The following HIVEP3 variants were observed in gnomAD, a reference collection of about 807,000 sequenced individuals.
HIVEP3 encodes HIVEP zinc finger 3, also known as transcription factor HIVEP3.
In HIVEP3, 49 loss-of-function variants were observed where a neutral mutation model predicts 152.8. The observed-to-expected ratio is 0.32, with a 90% CI of 0.26 to 0.41. The LOEUF is 0.41. Ranked by LOEUF, HIVEP3 falls within the 10% of genes least tolerant of loss-of-function variation. The pLI is 1.00. For synonymous variants in HIVEP3, 1,269 were observed against 1,289.0 expected, an observed-to-expected ratio of 0.98 and a Z score of 0.33; for missense variants, 2,790 against 3,103.3, an observed-to-expected ratio of 0.90 and a Z score of 2.40.
At chr1:41,828,915 G>C (rs1423990135) in intron 1 of HIVEP3, among the ~76,000 whole-genome samples, 1 of 152,256 alleles carries the variant, frequency 6.6e-6, no homozygotes, top group Admixed American at 6.5e-5. Flanking sequence ...AAAAGCCCAA[G>C]TGAGTCAGCT....
intron 3 of HIVEP3, among the ~76,000 whole-genome samples, chr1:41,593,041 TG>T (rs1162865626): frequency 6.6e-6 from 1 of 152,220 alleles, no homozygotes; most frequent in Non-Finnish European, 1.5e-5. Flanking sequence ...GCCTCTCCTT[TG>T]GGCTTGGGTT....
chr1:41,688,753 G>T (rs1646149768), intron 2 of HIVEP3, among the ~76,000 whole-genome samples: 1 of 152,184 alleles, frequency 6.6e-6, no homozygotes, highest in Non-Finnish European at 1.5e-5. Flanking sequence ...CCTCTCCTCT[G>T]ATCATTCTGC....
chr1:41,854,956 G>T (rs551258802), intron 1 of HIVEP3, among the ~76,000 whole-genome samples: 1 of 40,402 alleles, frequency 2.5e-5, no homozygotes, highest in East Asian at 3.3e-4. Context: ...CCAAGTCTTT[G>T]CTATTGTGAA....
intron 1 of HIVEP3, among the ~76,000 whole-genome samples, chr1:41,913,437 T>A (rs971695094): frequency 6.6e-6 from 1 of 152,196 alleles, no homozygotes; most frequent in Non-Finnish European, 1.5e-5. Flanking sequence ...TGCTCTATTG[T>A]CCAGGCTGGA....
At chr1:41,996,960 G>A (rs903333431) in intron 1 of HIVEP3, among the ~76,000 whole-genome samples, 2 of 152,100 alleles carry the variant, frequency 1.3e-5, no homozygotes, top group African/African-American at 4.8e-5. Flanking sequence ...ACTCTTGTCT[G>A]TGTCTTATGA....
At chr1:41,631,790 C>T (rs1645199007) in intron 2 of HIVEP3, among the ~76,000 whole-genome samples, 2 of 152,190 alleles carry the variant, frequency 1.3e-5, no homozygotes, top group South Asian at 4.1e-4. Flanking sequence ...GATCTGACCT[C>T]ATGCCCTCCA....
chr1:41,774,828 A>G (rs932296473), intron 1 of HIVEP3, among the ~76,000 whole-genome samples: 4 of 149,494 alleles, frequency 2.7e-5, no homozygotes, highest in African/African-American at 1.0e-4. Flanking sequence ...ACTGGGCCTC[A>G]CTCTGTCACT....
At chr1:41,645,721 G>A (rs1174647154) in intron 2 of HIVEP3, among the ~76,000 whole-genome samples, 1 of 152,198 alleles carries the variant, frequency 6.6e-6, no homozygotes, top group Non-Finnish European at 1.5e-5. Flanking sequence ...CAGAGAATAG[G>A]TGCTCAGTAA....
At chr1:41,651,724 A>C (rs888960117) in intron 2 of HIVEP3, among the ~76,000 whole-genome samples, 2 of 152,208 alleles carry the variant, frequency 1.3e-5, no homozygotes. Flanking sequence ...ACCAATTTAG[A>C]TTCTCAAGAC....
intron 7 of HIVEP3, among the ~76,000 whole-genome samples, chr1:41,515,097 C>T (rs988688584): frequency 3.3e-5 from 5 of 152,192 alleles, no homozygotes; most frequent in Non-Finnish European, 7.3e-5. Flanking sequence ...AGGTTGCTGA[C>T]AGGTGGGTTG....
intron 1 of HIVEP3, among the ~76,000 whole-genome samples, chr1:41,710,929 C>T (rs36021639): frequency 0.062 from 9,397 of 152,322 alleles, 383 homozygotes; most frequent in Middle Eastern, 0.11. Context: ...TAGTCACCAT[C>T]GCTACTCTCA....
chr1:41,836,581 G>C (rs1057065606), intron 1 of HIVEP3, among the ~76,000 whole-genome samples: 1 of 152,244 alleles, frequency 6.6e-6, no homozygotes, highest in Non-Finnish European at 1.5e-5. Context: ...CTAAGAAGCA[G>C]ATCAATGAAA....
At chr1:41,535,152 G>A (rs897325179) in intron 5 of HIVEP3, among the ~76,000 whole-genome samples, 3 of 152,162 alleles carry the variant, frequency 2.0e-5, no homozygotes, top group African/African-American at 4.8e-5. Context: ...CCCTGTTCCC[G>A]CACATCATCT....
intron 2 of HIVEP3, among the ~76,000 whole-genome samples, chr1:41,684,792 G>A (rs1646090616): frequency 6.6e-6 from 1 of 152,234 alleles, no homozygotes; most frequent in Non-Finnish European, 1.5e-5. Context: ...TGCTAGGTGT[G>A]TTTACATGCA....
chr1:41,760,686 G>A (rs527889336), intron 1 of HIVEP3, among the ~76,000 whole-genome samples: 2 of 152,300 alleles, frequency 1.3e-5, no homozygotes, highest in Admixed American at 6.5e-5. Flanking sequence ...GGGGCTTGGG[G>A]GCCCTCTCCA....
chr1:41,854,267 G>A (rs938621830), intron 1 of HIVEP3, among the ~76,000 whole-genome samples: 5 of 152,160 alleles, frequency 3.3e-5, no homozygotes, highest in African/African-American at 9.7e-5. Context: ...AGCAGGCGCT[G>A]GGGAAGGGAG....
intron 1 of HIVEP3, among the ~76,000 whole-genome samples, chr1:41,975,817 AAG>A (rs1645256163): frequency 6.6e-6 from 1 of 152,186 alleles, no homozygotes; most frequent in South Asian, 2.1e-4. Context: ...GGAGCACATA[AAG>A]AGAGTCTGTG....
intron 1 of HIVEP3, among the ~76,000 whole-genome samples, chr1:41,740,713 GC>G (rs1221991610): frequency 1.3e-5 from 2 of 152,226 alleles, no homozygotes; most frequent in Non-Finnish European, 2.9e-5. Flanking sequence ...CCCACTCTGT[GC>G]CCCACCACCA....
At chr1:41,854,230 G>C (rs1486978110) in intron 1 of HIVEP3, among the ~76,000 whole-genome samples, 1 of 152,066 alleles carries the variant, frequency 6.6e-6, no homozygotes, top group African/African-American at 2.4e-5. Context: ...TTGACAGATG[G>C]GCCAGGACCT....
Sources: allele counts gnomAD v4.1 joint callset (sites outside exome capture counted in the v4.1 genomes callset), GRCh38; gene constraint gnomAD v4.1.1; transcripts MANE v1.5; gene names NCBI Gene and HGNC (gene_info 2026-07-23, HGNC 2026-07-21).